Variants in GNA12 observed in about 807,000 individuals in gnomAD.
GNA12 encodes guanine nucleotide-binding protein subunit alpha-12.
GNA12 carries 9 observed loss-of-function variants against 26.0 expected under a neutral mutation model. That is an observed-to-expected ratio of 0.35 (90% CI 0.21 to 0.60). The LOEUF (loss-of-function observed/expected upper bound fraction) is 0.60. GNA12 is among the 20% of genes least tolerant of loss of function. GNA12 has a pLI of 0.78. For synonymous variants in GNA12, 264 were observed against 219.6 expected (o/e 1.20, Z -1.79); for missense variants, 405 against 525.8 (o/e 0.77, Z 2.25).
chr7:2,752,423 G>A (rs1330871846), intron 2 of GNA12, among the ~76,000 whole-genome samples: 2 of 152,130 alleles, frequency 1.3e-5, no homozygotes, highest in Non-Finnish European at 2.9e-5. Flanking sequence ...TCAATGCTAA[G>A]TTAGAAAGAC....
At chr7:2,767,202 T>A (rs1222886561) in intron 2 of GNA12, among the ~76,000 whole-genome samples, 1 of 152,222 alleles carries the variant, frequency 6.6e-6, no homozygotes, top group East Asian at 1.9e-4. Context: ...TCTCACTCTG[T>A]TGATTGTGTC....
chr7:2,794,041 G>A (rs1178782755), intron 2 of GNA12, among the ~76,000 whole-genome samples: 5 of 152,108 alleles, frequency 3.3e-5, no homozygotes, highest in Admixed American at 6.6e-5. Flanking sequence ...TATGTGCCTC[G>A]CCTGATGAAA....
intron 1 of GNA12, among the ~76,000 whole-genome samples, chr7:2,836,699 G>T (rs904084059): frequency 6.6e-6 from 1 of 151,816 alleles, no homozygotes; most frequent in African/African-American, 2.4e-5. Context: ...CGAGGCGGGT[G>T]GATCACCTGA....
chr7:2,816,087 A>G (rs1407405872), intron 1 of GNA12, among the ~76,000 whole-genome samples: 1 of 152,214 alleles, frequency 6.6e-6, no homozygotes, highest in African/African-American at 2.4e-5. Context: ...ACAGTGCAGC[A>G]CTGTTGGTCG....
chr7:2,763,918 T>C (rs1583258325), intron 2 of GNA12, among the ~76,000 whole-genome samples: 1 of 152,168 alleles, frequency 6.6e-6, no homozygotes, highest in Non-Finnish European at 1.5e-5. Flanking sequence ...TTTAGAGTCT[T>C]GGTTAAAGTG....
intron 2 of GNA12, among the ~76,000 whole-genome samples, chr7:2,776,426 G>A (rs976441597): frequency 3.3e-5 from 5 of 152,234 alleles, no homozygotes; most frequent in African/African-American, 1.2e-4. Context: ...AACGGGCAGA[G>A]ACGCATCCTC....
chr7:2,826,653 A>G (rs138167504), intron 1 of GNA12, among the ~76,000 whole-genome samples: 7 of 152,338 alleles, frequency 4.6e-5, no homozygotes, highest in Middle Eastern at 3.4e-3. Context: ...CAGAAACCTT[A>G]AATATGTATT....
chr7:2,735,311 C>T lies in GNA12; in HGVS notation c.526-1810G>A, dbSNP rs917920395. Among the ~76,000 whole-genome samples, 30 of 152,184 alleles carry T rather than the reference C, an allele frequency of 2.0e-4. 1 individual carries two copies. The highest frequency in any genetic ancestry group is 8.8e-5 in the Non-Finnish European group (6 of 68,030). ...GCTCACAGCCCAAGCCACCCTTGCC[C>T]GTTTCTAGGCAGGTGGTGGCACCAG... On this transcript the variant is annotated intron_variant, in intron 2 of 3. Coordinates refer to ENST00000275364, the MANE Select transcript of GNA12 (RefSeq NM_007353.3).
chr7:2,757,028 T>C (rs1216779551), intron 2 of GNA12, among the ~76,000 whole-genome samples: 1 of 152,070 alleles, frequency 6.6e-6, no homozygotes, highest in Non-Finnish European at 1.5e-5. Flanking sequence ...GAACCGTGAT[T>C]GTGCCAGTGG....
In GNA12 at chr7:2,830,910, C is replaced by T. The variant is rs113002114; in HGVS notation, c.309+12943G>A. Among the ~76,000 whole-genome samples, 1,142 of 151,842 alleles carry T rather than the reference C, an allele frequency of 7.5e-3. 15 individuals carry two copies. Among genetic ancestry groups the T allele is most frequent in the African/African-American group, 0.026 (1,075 of 41,366 alleles). ...GAGCTGTGATTGCACCACTGCACATCAGCCTAGGTGACAGAGCAAGACCCT... is the reference window on the plus strand; with the variant it reads ...GAGCTGTGATTGCACCACTGCACATTAGCCTAGGTGACAGAGCAAGACCCT... On this transcript the variant is annotated intron_variant, in intron 1 of 3. Coordinates refer to ENST00000275364, the MANE Select transcript of GNA12 (RefSeq NM_007353.3).
At chr7:2,812,004 C>T (rs1000070860) in intron 1 of GNA12, among the ~76,000 whole-genome samples, 1 of 152,232 alleles carries the variant, frequency 6.6e-6, no homozygotes, top group African/African-American at 2.4e-5. Flanking sequence ...CACAGCTTTC[C>T]CAGGGGCAGT....
At chr7:2,843,481 C>A (rs1297986709) in intron 1 of GNA12, among the ~76,000 whole-genome samples, 3 of 151,064 alleles carry the variant, frequency 2.0e-5, no homozygotes, top group African/African-American at 2.4e-5. Flanking sequence ...CCCATCTCTA[C>A]AAAAAAAAAC....
chr7:2,737,272 T>TTC (rs1790241632), intron 2 of GNA12, among the ~76,000 whole-genome samples: 1 of 54,808 alleles, frequency 1.8e-5, no homozygotes, highest in African/African-American at 6.2e-5. Flanking sequence ...CAGTTTTGTT[T>TTC]TGTTTTTTTT....
chr7:2,805,631 C>T (rs1050031276), intron 1 of GNA12, among the ~76,000 whole-genome samples: 1 of 152,204 alleles, frequency 6.6e-6, no homozygotes, highest in African/African-American at 2.4e-5. Flanking sequence ...ACAGCAGGCA[C>T]GGAGACTAGA....
At chr7:2,740,331 G>A (rs1469246642) in intron 2 of GNA12, among the ~76,000 whole-genome samples, 1 of 152,098 alleles carries the variant, frequency 6.6e-6, no homozygotes, top group Non-Finnish European at 1.5e-5. Flanking sequence ...ACTGAAGGTA[G>A]GGACCTCATG....
At chr7:2,781,263 T>C (rs542900345) in intron 2 of GNA12, among the ~76,000 whole-genome samples, 4 of 152,322 alleles carry the variant, frequency 2.6e-5, no homozygotes, top group African/African-American at 7.2e-5. Flanking sequence ...TTTGTACTTT[T>C]AGTTCTTTAA....
chr7:2,751,780 T>C (rs1791052037), intron 2 of GNA12, among the ~76,000 whole-genome samples: 1 of 152,066 alleles, frequency 6.6e-6, no homozygotes, highest in African/African-American at 2.4e-5. Context: ...GACAAATTGC[T>C]TTAAAAAATT....
chr7:2,807,021 A>G (rs866553758), intron 1 of GNA12, among the ~76,000 whole-genome samples: 15 of 152,236 alleles, frequency 9.9e-5, no homozygotes, highest in South Asian at 2.1e-4. Context: ...TTTATGTTTA[A>G]TAACTTTTAA....
chr7:2,783,467 G>A (rs1195684662), intron 2 of GNA12, among the ~76,000 whole-genome samples: 1 of 151,826 alleles, frequency 6.6e-6, no homozygotes, highest in African/African-American at 2.4e-5. Context: ...CACCCTCTGA[G>A]GTCCCCATTC....
Sources: gnomAD v4.1 joint callset for allele counts (sites outside exome capture counted in the v4.1 genomes callset) on GRCh38, gnomAD v4.1.1 for gene constraint, MANE v1.5 for transcripts, NCBI Gene and HGNC (gene_info 2026-07-23, HGNC 2026-07-21) for gene names.